Variants in STK3 observed in about 807,000 individuals in gnomAD.
STK3 encodes serine/threonine kinase 3, also known as serine/threonine-protein kinase 3.
In STK3, 41 loss-of-function variants were observed where a neutral mutation model predicts 58.0. The observed-to-expected ratio is 0.71, with a 90% CI of 0.55 to 0.92. The LOEUF (loss-of-function observed/expected upper bound fraction) is 0.92. Ranked by LOEUF, STK3 falls within the 40% of genes least tolerant of loss-of-function variation. The pLI, the probability that STK3 is intolerant of heterozygous loss-of-function variation, is 0.00. For missense variants in STK3, 479 were observed against 602.7 expected (o/e 0.79, Z 2.15); for synonymous variants, 170 against 191.0 (o/e 0.89, Z 0.91).
chr8:98,660,753 A>G (rs1821908706), intron 6 of STK3, among the ~76,000 whole-genome samples: 1 of 152,138 alleles, frequency 6.6e-6, no homozygotes, highest in Non-Finnish European at 1.5e-5. Flanking sequence ...AGTACCCAAC[A>G]TACAACTTTC....
intron 3 of STK3, among the ~76,000 whole-genome samples, chr8:98,753,964 A>G (rs1443437755): frequency 6.6e-6 from 1 of 152,204 alleles, no homozygotes; most frequent in African/African-American, 2.4e-5. Context: ...AGCTGATCAT[A>G]CTGCTCTCCT....
intron 10 of STK3, among the ~76,000 whole-genome samples, chr8:98,486,134 T>C (rs1822235780): frequency 6.6e-6 from 1 of 152,232 alleles, no homozygotes; most frequent in African/African-American, 2.4e-5. Context: ...CCTTTTGGCG[T>C]TGGGCATGTT....
chr8:98,649,978 G>C (rs1397338737), intron 6 of STK3, among the ~76,000 whole-genome samples: 1 of 151,956 alleles, frequency 6.6e-6, no homozygotes, highest in South Asian at 2.1e-4. Flanking sequence ...GGATTTTCTA[G>C]TTTTTGAAAC....
chr8:98,652,107 A>T (rs183443050), intron 6 of STK3, among the ~76,000 whole-genome samples: 268 of 152,330 alleles, frequency 1.8e-3, no homozygotes, highest in Admixed American at 3.1e-3. Flanking sequence ...CCACAAAGGG[A>T]AGCCCCTCAG....
chr8:98,402,175 A>C (rs1817949746), intron 3 of STK3, among the ~76,000 whole-genome samples: 1 of 152,142 alleles, frequency 6.6e-6, no homozygotes, highest in African/African-American at 2.4e-5. Flanking sequence ...CATCCTCATC[A>C]CATCATTATC....
intron 3 of STK3, among the ~76,000 whole-genome samples, chr8:98,422,367 G>A (rs1236406984): frequency 6.6e-6 from 1 of 151,890 alleles, no homozygotes; most frequent in Non-Finnish European, 1.5e-5. Flanking sequence ...CTCATTCCAG[G>A]GTCTCGCTCT....
intron 2 of STK3, among the ~76,000 whole-genome samples, chr8:98,374,088 A>G (rs1377400883): frequency 6.6e-6 from 1 of 152,226 alleles, no homozygotes; most frequent in Non-Finnish European, 1.5e-5. Flanking sequence ...TCGAGGCTTG[A>G]TCAAGAGTTT....
intron 3 of STK3, among the ~76,000 whole-genome samples, chr8:98,842,474 G>A (rs564482268): frequency 6.6e-6 from 1 of 152,254 alleles, no homozygotes; most frequent in East Asian, 1.9e-4. Context: ...TCAGGAGTCT[G>A]AAAACAGCCT....
At chr8:98,607,718 A>T (rs1816884277) in intron 6 of STK3, among the ~76,000 whole-genome samples, 1 of 152,242 alleles carries the variant, frequency 6.6e-6, no homozygotes, top group South Asian at 2.1e-4. Context: ...AAAAACTGAG[A>T]GATAAACTTT....
At chr8:98,827,680 A>C (rs1290451655), upstream of STK3, among the ~76,000 whole-genome samples, 1 of 152,130 alleles carries the variant, frequency 6.6e-6, no homozygotes, top group Non-Finnish European at 1.5e-5. Context: ...TTTTTGAGAC[A>C]GGTTCTCACT....
chr8:98,774,996 C>T (rs1330120440), intron 1 of STK3, among the ~76,000 whole-genome samples, 177 bp from the exon 2 acceptor site: 1 of 152,046 alleles, frequency 6.6e-6, no homozygotes, highest in Non-Finnish European at 1.5e-5. Context: ...CTCATGTGCC[C>T]AGCAACACCT....
At chr8:98,865,065 G>A (rs1837084097) in intron 3 of STK3, among the ~76,000 whole-genome samples, 1 of 152,090 alleles carries the variant, frequency 6.6e-6, no homozygotes, top group Non-Finnish European at 1.5e-5. Flanking sequence ...CTTTTGCAGG[G>A]CAACCAATAG....
chr8:98,373,648 C>T (rs747117297), intron 2 of STK3, among the ~76,000 whole-genome samples: 17 of 152,158 alleles, frequency 1.1e-4, no homozygotes, highest in Non-Finnish European at 1.8e-4. Flanking sequence ...CTGACCATGT[C>T]GCTTCACCAT....
intron 10 of STK3, among the ~76,000 whole-genome samples, chr8:98,500,698 G>C (rs1174521332): frequency 6.6e-6 from 1 of 152,142 alleles, no homozygotes; most frequent in Non-Finnish European, 1.5e-5. Flanking sequence ...TCAGAATGAT[G>C]GTTTCCAGCT....
At chr8:98,729,415 C>T (rs924981566) in intron 4 of STK3, among the ~76,000 whole-genome samples, 3 of 152,042 alleles carry the variant, frequency 2.0e-5, no homozygotes, top group Non-Finnish European at 4.4e-5. Flanking sequence ...CAGCCACCAC[C>T]GTTTGATTCT....
chr8:98,601,590 A>C (rs1184678833), intron 6 of STK3: 4 of 152,234 alleles, frequency 2.6e-5, no homozygotes, highest in South Asian at 2.1e-4. Context: ...AAAAATGTAT[A>C]TCAGATCATT....
chr8:98,696,966 G>A (rs1248031392), intron 6 of STK3, among the ~76,000 whole-genome samples: 6 of 152,116 alleles, frequency 3.9e-5, no homozygotes, highest in East Asian at 3.8e-4. Context: ...GGTAGAATTC[G>A]GCTGTGAATC....
chr8:98,706,381 T>C (rs1825962085), intron 6 of STK3, 86 bp downstream of exon 6: 8 of 1,311,348 alleles, frequency 6.1e-6, no homozygotes, highest in Non-Finnish European at 8.1e-6. Context: ...AATGAACTTA[T>C]TTAGTTTATA....
At chr8:98,519,992 C>G (rs1825229435) in intron 10 of STK3, among the ~76,000 whole-genome samples, 1 of 151,986 alleles carries the variant, frequency 6.6e-6, no homozygotes, top group Non-Finnish European at 1.5e-5. Flanking sequence ...AGTTTTTGTT[C>G]TTATTCCAAA....
Sources: gnomAD v4.1 joint callset for allele counts (sites outside exome capture counted in the v4.1 genomes callset) on GRCh38, gnomAD v4.1.1 for gene constraint, MANE v1.5 for transcripts, NCBI Gene and HGNC (gene_info 2026-07-23, HGNC 2026-07-21) for gene names.